ZNF142: variants seen among roughly 807,000 people sequenced by gnomAD.
ZNF142 encodes the protein zinc finger protein 142, also known as zinc finger protein 142 (clone pHZ-49).
In ZNF142, 96 loss-of-function variants were observed where a neutral mutation model predicts 132.1. The ratio of observed to expected loss-of-function variants is 0.73; its 90% CI spans 0.62 to 0.86. The LOEUF (loss-of-function observed/expected upper bound fraction) is 0.86. Among genes scored for constraint, ZNF142 ranks in the 40% least tolerant of loss-of-function variants. ZNF142 has a pLI of 0.00. For missense variants in ZNF142, 2,163 were observed against 2,336.2 expected, an observed-to-expected ratio of 0.93 and a Z score of 1.53; for synonymous variants, 842 against 890.1, an observed-to-expected ratio of 0.95 and a Z score of 0.96.
In ZNF142 at chr2:218,659,154, T is replaced by C. The variant is rs1938991536; in HGVS notation, c.-361-24A>G. On this transcript the variant is annotated intron_variant, in intron 1 of 10. Transcript: ENST00000411696. The surrounding 1 kb of genome is among the most constrained non-coding windows in gnomAD (Gnocchi z 4.4). ...GGCTTGGGATGGAGCATCGTCATGA[T>C]TTTGTCCTGAGAGCAGCAGGTACCC... 6.6e-6 allele frequency: 1 copy of C among 152,306 alleles called. No homozygotes were observed. Among genetic ancestry groups the C allele is most frequent in the Non-Finnish European group, 1.5e-5 (1 of 68,120 alleles). 9.4% of individuals were successfully genotyped at this position (152,306 alleles called of 1,614,324 possible).
At chr2:218,650,570 C>A in intron 5 of ZNF142, 44 bp from the exon 6 acceptor site, 1 of 1,505,446 alleles carries the variant, frequency 6.6e-7, no homozygotes. Flanking sequence ...GAGCCAATAA[C>A]AGCACTAAAT....
intron 3 of ZNF142, among the ~76,000 whole-genome samples, chr2:218,656,664 A>G (rs1162230230): frequency 1.3e-5 from 2 of 152,168 alleles, no homozygotes; most frequent in Non-Finnish European, 2.9e-5. Context: ...ATAACAGAAT[A>G]TTAGGAGACA....
intron 9 of ZNF142, 144 bp from the exon 10 acceptor site, chr2:218,640,913 C>G: frequency 1.6e-6 from 1 of 619,820 alleles, no homozygotes; most frequent in Non-Finnish European, 2.8e-6. Flanking sequence ...TCTTAATCTT[C>G]AGTTTACTTG....
chr2:218,658,156 G>A (rs996738089), intron 3 of ZNF142, among the ~76,000 whole-genome samples: 3 of 152,176 alleles, frequency 2.0e-5, no homozygotes, highest in Admixed American at 1.3e-4. Flanking sequence ...TGGCTAAAAT[G>A]AGTTTAAGCT....
intron 6 of ZNF142, among the ~76,000 whole-genome samples, 168 bp from the exon 7 acceptor site, chr2:218,649,627 GTTT>G (rs1291420697): frequency 6.6e-6 from 1 of 152,222 alleles, no homozygotes; most frequent in African/African-American, 2.4e-5. Flanking sequence ...AGAAACTCAA[GTTT>G]TAAGAGAAGC....
chr2:218,638,444 A>G lies in ZNF142; in HGVS notation c.5559T>C (p.Gly1853=), dbSNP rs1696888076. ...HHPDQADPNQ[G]VGKDPTTPTV... ...TGGGGGTGGTGGGGTCTTTGCCCAC[A>G]CCCTGGTTTGGGTCGGCTTGGTCAG... The change falls in exon 11 of 11, where the codon GGT becomes GGC. Residue 1853 remains glycine (G), a synonymous_variant. Coordinates refer to ENST00000411696, the MANE Select transcript of ZNF142 (RefSeq NM_001379659.1). 3.2e-6 allele frequency: 5 copies of G among 1,575,200 alleles called. No homozygotes were observed. Among genetic ancestry groups the G allele is most frequent in the East Asian group, 2.3e-5 (1 of 44,346 alleles).
chr2:218,656,793 T>C (rs1333434917), intron 3 of ZNF142, among the ~76,000 whole-genome samples: 1 of 149,856 alleles, frequency 6.7e-6, no homozygotes, highest in African/African-American at 2.5e-5. Flanking sequence ...CAAAATTAGG[T>C]GGGGCCCAAA....
rs761361740 is a variant in ZNF142 at position 218,649,283 on chromosome 2, G to C, written c.1225C>G (p.His409Asp). Residue 409 changes from histidine (H) to aspartate (D), a missense_variant, in exon 7 of 11, where the codon CAT becomes GAT. Physicochemically the swap from His to Asp is moderately conservative, Grantham distance 81. Coordinates refer to ENST00000411696, the MANE Select transcript of ZNF142 (RefSeq NM_001379659.1). ...TTTTCACCCAGCTCCCGCAGCAGAT[G>C]GGTCTTGAGCTTGCTCTTACTGGTG... ...FFTSKSKLKT[H>D]LLRELGEKAH... 1 of 1,614,274 alleles carries C rather than the reference G, an allele frequency of 6.2e-7. No homozygotes were observed. The highest frequency in any genetic ancestry group is 8.5e-7 in the Non-Finnish European group (1 of 1,180,054).
intron 10 of ZNF142, among the ~76,000 whole-genome samples, chr2:218,640,087 AAAG>A (rs1697060090): frequency 6.7e-6 from 1 of 150,306 alleles, no homozygotes; most frequent in East Asian, 1.9e-4. Context: ...AAAAAAAAAA[AAAG>A]AAATACTTAG....
At chr2:218,641,994 C>G in intron 9 of ZNF142, 34 bp downstream of exon 9, 1 of 1,595,178 alleles carries the variant, frequency 6.3e-7, no homozygotes, top group Non-Finnish European at 8.6e-7. Context: ...GCCTGTGCTC[C>G]TTCCACTTCC....
intron 4 of ZNF142, 111 bp downstream of exon 4, chr2:218,656,039 A>C (rs1418844162): frequency 2.6e-5 from 34 of 1,306,696 alleles, no homozygotes; most frequent in Non-Finnish European, 3.4e-5. Context: ...TCCAAGTATA[A>C]AAATAGGATG....
At position 218,643,334 on chromosome 2, in the gene ZNF142, GTCCCTCGTTT is replaced by G; in HGVS notation, c.3772_3781del (p.Lys1258ProfsTer11). The G allele has an allele frequency of 6.2e-7, 1 of 1,614,162 alleles. No individual in the cohort carries two copies. The highest frequency in any genetic ancestry group is 8.5e-7 in the Non-Finnish European group (1 of 1,180,026). On this transcript the variant is annotated frameshift_variant, in exon 9 of 11. Coordinates refer to ENST00000411696, the MANE Select transcript of ZNF142 (RefSeq NM_001379659.1). LOFTEE classifies it high-confidence loss of function. ...GGACACATCAGGCTGGGTCTGGGGG[GTCCCTCGTTT>G]TCCTCCCCCGCCACGTCCCCCCCTG... is the stretch of plus-strand genomic sequence containing the variant.
In ZNF142 at chr2:218,643,290, A is replaced by G; in HGVS notation, c.3826T>C (p.Ser1276Pro). The part of the protein sequence containing the change: ...PDVSPLSNGD[S>P]APPKNGSTES... ...GTACTCCCATTCTTCGGGGGAGCAGAGTCCCCATTGCTCAACGGGGACACA... is the reference window on the plus strand; with the variant it reads ...GTACTCCCATTCTTCGGGGGAGCAGGGTCCCCATTGCTCAACGGGGACACA... The change falls in exon 9 of 11, where the codon TCT (serine) becomes CCT (proline). Residue 1276 changes from serine (S) to proline (P), a missense_variant. By Grantham distance (74) the Ser-to-Pro change is moderately conservative. This residue lies in a region of ZNF142 where 809 missense variants were observed against 801.7 expected (regional missense o/e 1.01). Coordinates refer to ENST00000411696, the MANE Select transcript of ZNF142 (RefSeq NM_001379659.1). 6.2e-7 allele frequency: 1 copy of G among 1,614,214 alleles called. No homozygotes were observed. The highest frequency in any genetic ancestry group is 8.5e-7 in the Non-Finnish European group (1 of 1,180,040).
chr2:218,645,907 G>A (rs1019954636), intron 8 of ZNF142, among the ~76,000 whole-genome samples: 49 of 152,156 alleles, frequency 3.2e-4, no homozygotes, highest in Admixed American at 2.7e-3. Context: ...CATTACAGGC[G>A]TCTGCTACCA....
In ZNF142 at chr2:218,656,389, G is replaced by C; in HGVS notation, c.41C>G (p.Thr14Ser). 6.9e-7 allele frequency: 1 copy of C among 1,450,840 alleles called. No homozygotes were observed. The highest frequency in any genetic ancestry group is 1.6e-5 in the South Asian group (1 of 63,044). The allele number at this position is 1,450,840 out of a possible 1,614,324, so 89.9% of individuals were successfully genotyped here. Residue 14 changes from threonine (T) to serine (S), a missense_variant, in exon 4 of 11, where the codon ACC becomes AGC. By Grantham distance (58) the Thr-to-Ser change is moderately conservative. This residue lies in a region of ZNF142 where 195 missense variants were observed against 172.4 expected (regional missense o/e 1.13). Transcript: ENST00000411696. ...PLLDSQPASS[T>S]GEMDGLCPEL... ...AGGGCACAGTCCATCCATCTCCCCG[G>C]TGCTACTGGCTGGCTGTGAGTCCAA...
chr2:218,642,027 C>A lies in ZNF142; in HGVS notation c.5088+1G>T. On this transcript the variant is annotated splice_donor_variant, in intron 9 of 10. Transcript: ENST00000411696. LOFTEE classifies it high-confidence loss of function. The surrounding 1 kb of genome is among the most constrained non-coding windows in gnomAD (Gnocchi z 4.6). ...TCCTGCCCCATATCCTCTGACATTA[C>A]CTTGAGACGAGAGGGATCAGCACAG... 1 of 1,612,564 alleles carries A rather than the reference C, an allele frequency of 6.2e-7. No homozygotes were observed. The highest frequency in any genetic ancestry group is 8.5e-7 in the Non-Finnish European group (1 of 1,178,908).
rs972111091 is a variant in ZNF142 at position 218,644,816 on chromosome 2, T to C, written c.2300A>G (p.His767Arg). 6.2e-7 allele frequency: 1 copy of C among 1,614,220 alleles called. No homozygotes were observed. Among genetic ancestry groups the C allele is most frequent in the Non-Finnish European group, 8.5e-7 (1 of 1,180,032 alleles). Reference sequence around the variant, plus strand: ...ACAGTGGAACTCACGGAGGCGGGTATGCTTGCAGTTCTCATGGCTCAGCAC... The same window carrying C: ...ACAGTGGAACTCACGGAGGCGGGTACGCTTGCAGTTCTCATGGCTCAGCAC... ...QAVLSHENCK[H>R]TRLREFHCAL... Residue 767 changes from histidine (H) to arginine (R), a missense_variant, in exon 9 of 11, where the codon CAT (histidine) becomes CGT (arginine). Coordinates refer to ENST00000411696, the MANE Select transcript of ZNF142 (RefSeq NM_001379659.1). The surrounding 1 kb of genome is among the most constrained non-coding windows in gnomAD (Gnocchi z 4.6).
At position 218,642,082 on chromosome 2, in the gene ZNF142, C is replaced by T. The variant is rs990857330; in HGVS notation, c.5034G>A (p.Lys1678=). 1 of 1,614,188 alleles carries T rather than the reference C, an allele frequency of 6.2e-7. No homozygotes were observed. Among genetic ancestry groups the T allele is most frequent in the East Asian group, 2.2e-5 (1 of 44,884 alleles). ...TWHSRIHTGE[K]PYHCHLCPYA... ...AGGGGCAGAGGTGACAGTGGTAAGG[C>T]TTTTCCCCAGTGTGGATGCGGCTGT... The change falls in exon 9 of 11, where the codon AAG becomes AAA. Residue 1678 remains lysine (K), a synonymous_variant. Coordinates refer to ENST00000411696, the MANE Select transcript of ZNF142 (RefSeq NM_001379659.1). This position sits in a 1 kb window ranked among gnomAD's most constrained non-coding sequence, Gnocchi z 4.6.
At position 218,637,526 on chromosome 2, in the gene ZNF142, C is replaced by T. The variant is rs1032924684; in HGVS notation, c.*813G>A. On this transcript the variant is annotated 3_prime_UTR_variant, in exon 11 of 11. Coordinates refer to ENST00000411696, the MANE Select transcript of ZNF142 (RefSeq NM_001379659.1). Reference sequence around the variant, plus strand: ...GGCACTACAGAATTATACTGTGAAGCAGTTATAGAATTCTGAATTGGAGAT... The same window carrying T: ...GGCACTACAGAATTATACTGTGAAGTAGTTATAGAATTCTGAATTGGAGAT... 6.6e-6 allele frequency among the ~76,000 whole-genome samples: 1 copy of T among 152,202 alleles called. No individual in the cohort carries two copies. The highest frequency in any genetic ancestry group is 1.5e-5 in the Non-Finnish European group (1 of 68,044).
Sources: gnomAD v4.1 joint callset for allele counts (sites outside exome capture counted in the v4.1 genomes callset) on GRCh38, gnomAD v4.1.1 for gene constraint, gnomAD v4.1.1 regional missense constraint, Gnocchi (gnomAD v3.1) non-coding constraint, MANE v1.5 for transcripts, NCBI Gene and HGNC (gene_info 2026-07-23, HGNC 2026-07-21) for gene names.